ARHGAP6: variants seen among roughly 807,000 people sequenced by gnomAD.
The protein encoded by ARHGAP6 is rho GTPase-activating protein 6.
Under a neutral mutation model 55.7 loss-of-function variants are expected in ARHGAP6, and 16 were observed. The observed-to-expected ratio is 0.29, with a 90% CI of 0.19 to 0.44. The LOEUF (loss-of-function observed/expected upper bound fraction) is 0.44, where lower values mean the gene tolerates loss of function less well. ARHGAP6 is among the 20% of genes least tolerant of loss of function. The probability of loss-of-function intolerance (pLI) is 1.00; values close to 1 mark genes in which losing one functional copy is unlikely to be tolerated. For synonymous variants in ARHGAP6, 382 were observed against 360.9 expected, an observed-to-expected ratio of 1.06 and a Z score of -0.66; for missense variants, 698 against 808.9, an observed-to-expected ratio of 0.86 and a Z score of 1.66.
At chrX:11,404,564 C>A (rs1248176475) in intron 1 of ARHGAP6, among the ~76,000 whole-genome samples, 2 of 111,900 alleles carry the variant, frequency 1.8e-5, no homozygotes, top group African/African-American at 6.5e-5. Context: ...CTTTTCAGTT[C>A]ATAAGTTTTT....
chrX:11,196,527 G>A lies in ARHGAP6; in HGVS notation c.820+398C>T, dbSNP rs772173039. Among the ~76,000 whole-genome samples the A allele has an allele frequency of 3.6e-5, 4 of 111,704 alleles. No individual in the cohort carries two copies. The East Asian group carries it at 1.1e-3, about 31-fold the overall frequency. Reference sequence around the variant, plus strand: ...TTCAGTAACCCATGAGGATGAGACTGTTTCTTTCCAGTAGTGGTGGTAGGT... The same window carrying A: ...TTCAGTAACCCATGAGGATGAGACTATTTCTTTCCAGTAGTGGTGGTAGGT... On this transcript the variant is annotated intron_variant, in intron 3 of 12. Transcript: ENST00000337414.
intron 1 of ARHGAP6, among the ~76,000 whole-genome samples, chrX:11,624,249 A>G (rs916646660): frequency 2.7e-5 from 3 of 112,692 alleles, no homozygotes; most frequent in Admixed American, 1.9e-4. Flanking sequence ...ACTTAAACCT[A>G]TGACCCGAAA....
chrX:11,358,960 A>C (rs1360235549), intron 1 of ARHGAP6, among the ~76,000 whole-genome samples: 1 of 112,165 alleles, frequency 8.9e-6, no homozygotes, highest in Non-Finnish European at 1.9e-5. Context: ...TTTTAATGCA[A>C]AGTCCTAAAG....
chrX:11,422,646 T>C (rs996589896), intron 1 of ARHGAP6, among the ~76,000 whole-genome samples: 2 of 112,263 alleles, frequency 1.8e-5, no homozygotes, highest in African/African-American at 6.5e-5. Context: ...ATGAAGACTT[T>C]GTATGACTGG....
At chrX:11,582,313 G>C (rs1184808682) in intron 1 of ARHGAP6, among the ~76,000 whole-genome samples, 1 of 111,345 alleles carries the variant, frequency 9.0e-6, no homozygotes, top group Non-Finnish European at 1.9e-5. Context: ...GGTCAACACA[G>C]GGGCAACAGA....
At chrX:11,438,245 T>A (rs2050006111) in intron 1 of ARHGAP6, among the ~76,000 whole-genome samples, 1 of 112,519 alleles carries the variant, frequency 8.9e-6, no homozygotes, top group Non-Finnish European at 1.9e-5. Flanking sequence ...TGCCTCTTAC[T>A]TTAAGGTTGG....
intron 1 of ARHGAP6, among the ~76,000 whole-genome samples, chrX:11,560,201 G>T (rs1265181854): frequency 9.0e-6 from 1 of 111,365 alleles, no homozygotes; most frequent in East Asian, 2.8e-4. Flanking sequence ...ATTATCATGA[G>T]TTCTATATTC....
intron 2 of ARHGAP6, among the ~76,000 whole-genome samples, chrX:11,245,872 A>G (rs1426361363): frequency 8.9e-6 from 1 of 112,249 alleles, no homozygotes; most frequent in African/African-American, 3.2e-5. Context: ...TCTGTGGTGC[A>G]TTCTGAGAAC....
intron 1 of ARHGAP6, among the ~76,000 whole-genome samples, chrX:11,318,097 C>T (rs981190018): frequency 8.9e-6 from 1 of 112,229 alleles, no homozygotes; most frequent in Non-Finnish European, 1.9e-5. Flanking sequence ...TTGGCTTTAA[C>T]GTCTACATCA....
At chrX:11,199,504 A>T (rs1204536702) in intron 2 of ARHGAP6, among the ~76,000 whole-genome samples, 2 of 112,184 alleles carry the variant, frequency 1.8e-5, no homozygotes, top group African/African-American at 6.5e-5. Context: ...TGGAACCACC[A>T]CTCCAGGGTG....
At chrX:11,370,809 A>G (rs899343595) in intron 1 of ARHGAP6, among the ~76,000 whole-genome samples, 5 of 111,098 alleles carry the variant, frequency 4.5e-5, no homozygotes, top group Admixed American at 9.7e-5. Flanking sequence ...GAGGCCCATC[A>G]CACTCTACAG....
intron 1 of ARHGAP6, among the ~76,000 whole-genome samples, chrX:11,337,404 C>A (rs778742705): frequency 8.9e-6 from 1 of 111,823 alleles, no homozygotes; most frequent in Admixed American, 9.5e-5. Context: ...TTTCTACTGT[C>A]GTGTTCAAGA....
At chrX:11,424,231 G>A (rs1049459297) in intron 1 of ARHGAP6, among the ~76,000 whole-genome samples, 4 of 112,181 alleles carry the variant, frequency 3.6e-5, no homozygotes, top group Non-Finnish European at 1.9e-5. Flanking sequence ...TGTCAGCAGC[G>A]ACACATGTGC....
At chrX:11,216,227 T>A (rs183761621) in intron 2 of ARHGAP6, among the ~76,000 whole-genome samples, 93 of 111,471 alleles carry the variant, frequency 8.3e-4, no homozygotes, top group African/African-American at 2.3e-3. Context: ...TGTGTCTTTT[T>A]TATTTTAATG....
chrX:11,365,614 A>T (rs908094316), intron 1 of ARHGAP6, among the ~76,000 whole-genome samples: 1 of 112,830 alleles, frequency 8.9e-6, no homozygotes, highest in Non-Finnish European at 1.9e-5. Flanking sequence ...CAGAACAAAA[A>T]GATAAAATTC....
At chrX:11,389,909 GT>G (rs1198387020) in intron 1 of ARHGAP6, among the ~76,000 whole-genome samples, 4 of 111,911 alleles carry the variant, frequency 3.6e-5, no homozygotes, top group African/African-American at 1.3e-4. Flanking sequence ...TAACAGTAAT[GT>G]TAACCACTAG....
At chrX:11,464,432 T>C (rs1316549410) in intron 1 of ARHGAP6, among the ~76,000 whole-genome samples, 1 of 111,757 alleles carries the variant, frequency 8.9e-6, no homozygotes, top group Non-Finnish European at 1.9e-5. Flanking sequence ...CAAGGATGTA[T>C]CAAAAGGCAA....
chrX:11,357,736 CT>C lies in ARHGAP6; in HGVS notation c.589-103030del, dbSNP rs2048950210. On this transcript the variant is annotated intron_variant, in intron 1 of 12. Coordinates refer to ENST00000337414, the MANE Select transcript of ARHGAP6 (RefSeq NM_013427.3). Reference sequence around the variant, plus strand: ...AAGTCTTTTAAAACCCAGAAATTATCTTGGGTATCCTACAAGTCATGAACAG... The same window carrying C: ...AAGTCTTTTAAAACCCAGAAATTATCTGGGTATCCTACAAGTCATGAACAG... Among the ~76,000 whole-genome samples, 9 of 111,633 alleles carry C rather than the reference CT, an allele frequency of 8.1e-5. 1 individual carries two copies. The South Asian group carries it at 3.4e-3, about 42-fold the overall frequency.
At chrX:11,433,183 G>A (rs1207610541) in intron 1 of ARHGAP6, among the ~76,000 whole-genome samples, 3 of 112,173 alleles carry the variant, frequency 2.7e-5, no homozygotes, top group South Asian at 3.8e-4. Context: ...TCCTGGCACA[G>A]CATAGTACCA....
Sources: gnomAD v4.1 joint callset for allele counts (sites outside exome capture counted in the v4.1 genomes callset) on GRCh38, gnomAD v4.1.1 for gene constraint, MANE v1.5 for transcripts, NCBI Gene and HGNC (gene_info 2026-07-23, HGNC 2026-07-21) for gene names.